The following APP variants were observed in gnomAD, a reference collection of about 807,000 sequenced individuals.
The protein encoded by APP is amyloid beta precursor protein, also known as amyloid-beta precursor protein.
A neutral mutation model predicts 101.4 loss-of-function variants in APP; 31 were observed. The ratio of observed to expected loss-of-function variants is 0.31; its 90% CI spans 0.23 to 0.41. The LOEUF is 0.41. APP is among the 10% of genes least tolerant of loss of function. The probability of loss-of-function intolerance (pLI) is 1.00; values close to 1 mark genes in which losing one functional copy is unlikely to be tolerated. For synonymous variants in APP, 366 were observed against 364.4 expected (o/e 1.00, Z -0.05); for missense variants, 839 against 1,003.7 (o/e 0.84, Z 2.22).
intron 13 of APP, among the ~76,000 whole-genome samples, chr21:25,917,261 CA>C (rs397867177): frequency 0.088 from 5,692 of 64,572 alleles, 127 homozygotes; most frequent in African/African-American, 0.17. Context: ...ACTCTGTCTC[CA>C]AAAAAAAAAA....
In APP at chr21:25,975,976, G is replaced by A; in HGVS notation, c.1277C>T (p.Ala426Val). ...AERQAKNLPK[A>V]DKKAVIQHFQ... ...TACCTGGATAACTGCCTTCTTATCA[G>A]CTTTAGGCAAGTTCTTTGCTTGACG... is the stretch of plus-strand genomic sequence containing the variant. Residue 426 changes from alanine (A) to valine (V), a missense_variant, in exon 10 of 18, where the codon GCT (alanine) becomes GTT (valine). Transcript: ENST00000346798. 1 of 1,613,890 alleles carries A rather than the reference G, an allele frequency of 6.2e-7. No homozygotes were observed. Among genetic ancestry groups the A allele is most frequent in the Non-Finnish European group, 8.5e-7 (1 of 1,179,846 alleles).
At chr21:25,921,495 A>C (rs2039639375) in intron 13 of APP, among the ~76,000 whole-genome samples, 2 of 149,558 alleles carry the variant, frequency 1.3e-5, no homozygotes, top group African/African-American at 4.9e-5. Context: ...AGACTAATAA[A>C]GAAAAAGAGG....
At chr21:25,930,261 G>C (rs1057032942) in intron 13 of APP, among the ~76,000 whole-genome samples, 5 of 152,176 alleles carry the variant, frequency 3.3e-5, no homozygotes, top group Admixed American at 2.6e-4. Context: ...AAGCTCATGA[G>C]AGAAGTCTAT....
chr21:26,143,767 T>G (rs1471078428), intron 1 of APP, among the ~76,000 whole-genome samples: 1 of 152,180 alleles, frequency 6.6e-6, no homozygotes, highest in East Asian at 1.9e-4. Flanking sequence ...GTTTGAGTGT[T>G]TTAGGTTCCA....
At chr21:26,145,791 A>C (rs1392386856) in intron 1 of APP, among the ~76,000 whole-genome samples, 2 of 152,220 alleles carry the variant, frequency 1.3e-5, no homozygotes, top group Non-Finnish European at 2.9e-5. Context: ...ATTACTGTTT[A>C]ATCTGTGATT....
chr21:26,018,160 C>T lies in APP; in HGVS notation c.865+3680G>A, dbSNP rs200557757. 1.1e-4 allele frequency among the ~76,000 whole-genome samples: 17 copies of T among 152,186 alleles called. No individual in the cohort carries two copies. The East Asian group carries it at 1.9e-3, about 17-fold the overall frequency. On this transcript the variant is annotated intron_variant, in intron 6 of 17. Coordinates refer to ENST00000346798, the MANE Select transcript of APP (RefSeq NM_000484.4). The stretch of plus-strand genomic sequence containing the variant: ...TATTTTTCTTCCCTCCATTTCTTTC[C>T]GGTTTTAACGGGTTATGAAATTATT...
intron 3 of APP, among the ~76,000 whole-genome samples, chr21:26,076,822 G>A (rs977310576): frequency 4.6e-5 from 7 of 152,118 alleles, no homozygotes; most frequent in Non-Finnish European, 8.8e-5. Flanking sequence ...CCGGCACTTT[G>A]GGAGGCCGAG....
rs1046115057 is a variant in APP at position 25,955,818 on chromosome 21, C to T, written c.1459-63G>A. ...TGCAAAACACTGCTTCTTCCATTGG[C>T]GATGGGTTAGAGGTTCCACTAATGC... On this transcript the variant is annotated intron_variant, in intron 11 of 17. Transcript: ENST00000346798. 1.6e-5 allele frequency: 26 copies of T among 1,610,724 alleles called. No homozygotes were observed. In the East Asian group the frequency reaches 3.6e-4, roughly 22 times the overall value.
intron 15 of APP, among the ~76,000 whole-genome samples, chr21:25,903,368 C>CAAA (rs937462787): frequency 2.3e-4 from 16 of 68,574 alleles, no homozygotes; most frequent in African/African-American, 5.9e-4. Flanking sequence ...GACTCCATCT[C>CAAA]AAAAAAAAAA....
rs1477192946 is a variant in APP at position 25,983,818 on chromosome 21, A to G, written c.1091-1341T>C. Among the ~76,000 whole-genome samples the G allele has an allele frequency of 2.0e-5, 3 of 152,156 alleles. No individual in the cohort carries two copies. In the East Asian group the frequency reaches 5.8e-4, roughly 29 times the overall value. On this transcript the variant is annotated intron_variant, in intron 8 of 17. Transcript: ENST00000346798. ...GCCCCTGTCTTCTCTGTAGCAAATG[A>G]GGGAGTGGTGTTCCTTCTTACATTG...
At chr21:25,963,598 A>G (rs1311666705) in intron 11 of APP, among the ~76,000 whole-genome samples, 1 of 152,210 alleles carries the variant, frequency 6.6e-6, no homozygotes, top group Non-Finnish European at 1.5e-5. Context: ...CTGCTTTCAT[A>G]AATAGGTTCA....
At chr21:25,998,779 G>GAAC (rs927741270) in intron 7 of APP, among the ~76,000 whole-genome samples, 10 of 151,394 alleles carry the variant, frequency 6.6e-5, no homozygotes, top group Non-Finnish European at 1.0e-4. Flanking sequence ...TCCTACTCAT[G>GAAC]AACAACAACA....
chr21:25,991,292 C>G (rs898315354), intron 8 of APP, among the ~76,000 whole-genome samples: 3 of 151,792 alleles, frequency 2.0e-5, no homozygotes, highest in Non-Finnish European at 4.4e-5. Flanking sequence ...ACTAAAACCA[C>G]TTGTATCCCC....
chr21:26,086,536 T>C (rs986297268), intron 3 of APP, among the ~76,000 whole-genome samples: 1 of 141,846 alleles, frequency 7.0e-6, no homozygotes, highest in Non-Finnish European at 1.5e-5. Flanking sequence ...ATGTTTAAGA[T>C]AATTTTATTT....
intron 5 of APP, among the ~76,000 whole-genome samples, chr21:26,036,463 T>C (rs1248722308): frequency 6.6e-6 from 1 of 152,202 alleles, no homozygotes; most frequent in East Asian, 1.9e-4. Flanking sequence ...ATCCTATAAA[T>C]GTCTGGATTC....
chr21:25,974,943 A>G (rs2042169261), intron 11 of APP, 127 bp downstream of exon 11: 1 of 1,395,602 alleles, frequency 7.2e-7, no homozygotes, highest in Non-Finnish European at 9.9e-7. Context: ...ACAGGGGTTG[A>G]ACCTCTGAAT....
chr21:26,096,407 G>T (rs192535984), intron 2 of APP, among the ~76,000 whole-genome samples: 134 of 152,266 alleles, frequency 8.8e-4, no homozygotes, highest in African/African-American at 3.0e-3. Flanking sequence ...CTTTTATGTG[G>T]TGCTCCCACC....
At chr21:25,901,076 C>G (rs1445765650) in intron 15 of APP, among the ~76,000 whole-genome samples, 5 of 151,028 alleles carry the variant, frequency 3.3e-5, no homozygotes, top group African/African-American at 1.2e-4. Context: ...GGCGGGCAAA[C>G]AGTTTGAACT....
At chr21:26,037,872 T>C (rs1271948650) in intron 5 of APP, among the ~76,000 whole-genome samples, 3 of 152,216 alleles carry the variant, frequency 2.0e-5, no homozygotes, top group African/African-American at 4.8e-5. Flanking sequence ...ATGAATAGTA[T>C]ATTCTAGGAG....
Sources: allele counts gnomAD v4.1 joint callset (sites outside exome capture counted in the v4.1 genomes callset), GRCh38; gene constraint gnomAD v4.1.1; transcripts MANE v1.5; gene names NCBI Gene and HGNC (gene_info 2026-07-23, HGNC 2026-07-21).